PPA1: variants seen among roughly 807,000 people sequenced by gnomAD.
PPA1 encodes inorganic pyrophosphatase 1.
A neutral mutation model predicts 41.8 loss-of-function variants in PPA1; 23 were observed. The observed-to-expected ratio is 0.55, with a 90% CI of 0.40 to 0.78. The LOEUF is 0.78. Among genes scored for constraint, PPA1 ranks in the 30% least tolerant of loss-of-function variants. The pLI is 0.00. For missense variants in PPA1, 320 were observed against 361.6 expected, an observed-to-expected ratio of 0.89 and a Z score of 0.93; for synonymous variants, 101 against 116.8, an observed-to-expected ratio of 0.86 and a Z score of 0.87.
At chr10:70,227,873 T>C (rs769798032) in intron 2 of PPA1, among the ~76,000 whole-genome samples, 12 of 152,106 alleles carry the variant, frequency 7.9e-5, no homozygotes, top group Admixed American at 6.5e-4. Flanking sequence ...CGTGAGAATG[T>C]ATTCATGTAA....
At chr10:70,218,705 G>A (rs1170208456) in intron 3 of PPA1, 59 bp downstream of exon 3, 3 of 1,289,904 alleles carry the variant, frequency 2.3e-6, no homozygotes, top group East Asian at 4.7e-5. Flanking sequence ...GATCAAGTCA[G>A]TGTGACTAGA....
intron 2 of PPA1, among the ~76,000 whole-genome samples, chr10:70,226,706 C>A (rs1292114082): frequency 6.6e-6 from 1 of 151,894 alleles, no homozygotes; most frequent in East Asian, 1.9e-4. Context: ...TCTGCATTTC[C>A]AGTTGTCAAA....
At chr10:70,213,220 G>A (rs933593948) in intron 6 of PPA1, among the ~76,000 whole-genome samples, 1 of 152,208 alleles carries the variant, frequency 6.6e-6, no homozygotes, top group African/African-American at 2.4e-5. Context: ...GTGCTGGTAT[G>A]TGGGGAAGGA....
chr10:70,204,708 G>T (rs182877657), intron 10 of PPA1, 165 bp downstream of exon 10: 1 of 546,066 alleles, frequency 1.8e-6, no homozygotes. Flanking sequence ...TAATGATTTC[G>T]TAATTAGCCA....
chr10:70,220,994 TATATATATAAC>T (rs1798576576), intron 2 of PPA1, among the ~76,000 whole-genome samples: 1 of 63,736 alleles, frequency 1.6e-5, no homozygotes, highest in Non-Finnish European at 2.6e-5. Context: ...ATATATAATT[TATATATATAAC>T]ATATATATAA....
chr10:70,233,309 C>A lies in PPA1; in HGVS notation c.19G>T (p.Glu7Ter). The A allele has an allele frequency of 1.3e-6, 2 of 1,541,188 alleles. No individual in the cohort carries two copies. The highest frequency in any genetic ancestry group is 1.7e-6 in the Non-Finnish European group (2 of 1,144,234). The change falls in exon 1 of 11, where the codon GAG becomes TAG. Residue 7 changes from glutamate to a stop codon, truncating the protein, a stop_gained. Coordinates refer to ENST00000373232, the MANE Select transcript of PPA1 (RefSeq NM_021129.4). LOFTEE classifies it high-confidence loss of function. ...AGGGAGAAGGGCGCGGCGCGCTCCT[C>A]GGTGCTGAAGCCGCTCATAGTGCCG... MSGFSTEERAAPFSLEY... is the reference protein window; with the variant it reads MSGFST
At chr10:70,208,692 T>C (rs1429498840) in intron 8 of PPA1, among the ~76,000 whole-genome samples, 1 of 152,144 alleles carries the variant, frequency 6.6e-6, no homozygotes, top group Non-Finnish European at 1.5e-5. Flanking sequence ...TTTTCTTCTG[T>C]TTGTTGGAAG....
At chr10:70,231,710 A>C (rs905905853) in intron 1 of PPA1, among the ~76,000 whole-genome samples, 2 of 152,270 alleles carry the variant, frequency 1.3e-5, no homozygotes, top group Non-Finnish European at 2.9e-5. Flanking sequence ...GGAAGGATAA[A>C]GCACTTAAAA....
At chr10:70,212,201 T>C (rs555115924) in intron 6 of PPA1, among the ~76,000 whole-genome samples, 4 of 152,366 alleles carry the variant, frequency 2.6e-5, no homozygotes, top group African/African-American at 9.6e-5. Context: ...TTGAGATTTG[T>C]CTATTCTTCC....
chr10:70,209,037 A>C (rs896264811), intron 8 of PPA1, among the ~76,000 whole-genome samples, 168 bp downstream of exon 8: 1 of 152,026 alleles, frequency 6.6e-6, no homozygotes, highest in Non-Finnish European at 1.5e-5. Context: ...CAAGCAATCC[A>C]TCCACCTTGG....
intron 2 of PPA1, among the ~76,000 whole-genome samples, chr10:70,226,274 T>C (rs1840229584): frequency 6.6e-6 from 1 of 151,940 alleles, no homozygotes; most frequent in Non-Finnish European, 1.5e-5. Context: ...TGTCATGTCA[T>C]AATTAAGAAT....
chr10:70,206,098 A>C, intron 9 of PPA1, 166 bp downstream of exon 9: 1 of 603,928 alleles, frequency 1.7e-6, no homozygotes, highest in Non-Finnish European at 3.0e-6. Context: ...CCTCAGTCAA[A>C]TGGCCACTTG....
intron 3 of PPA1, 148 bp from the exon 4 acceptor site, chr10:70,218,079 GGT>G (rs1840098987): frequency 7.0e-6 from 5 of 719,256 alleles, no homozygotes; most frequent in Non-Finnish European, 1.0e-5. Context: ...ATTGAACTAA[GGT>G]GTTTCCATAA....
At chr10:70,222,354 A>AG (rs796342439) in intron 2 of PPA1, among the ~76,000 whole-genome samples, 6 of 146,802 alleles carry the variant, frequency 4.1e-5, no homozygotes, top group Non-Finnish European at 7.5e-5. Context: ...AAAAAAAAAA[A>AG]AAAAAGAAAT....
chr10:70,227,719 A>G (rs912280542), intron 2 of PPA1, among the ~76,000 whole-genome samples: 8 of 149,666 alleles, frequency 5.3e-5, no homozygotes, highest in Non-Finnish European at 1.0e-4. Flanking sequence ...CCTTAGTCTG[A>G]TATCAATATG....
chr10:70,230,108 C>T (rs1212667390), intron 2 of PPA1, among the ~76,000 whole-genome samples: 1 of 152,136 alleles, frequency 6.6e-6, no homozygotes, highest in African/African-American at 2.4e-5. Flanking sequence ...AGGGTTTCAC[C>T]ATGTTGCCCA....
At chr10:70,216,963 TC>T (rs1840087862) in intron 4 of PPA1, among the ~76,000 whole-genome samples, 1 of 152,004 alleles carries the variant, frequency 6.6e-6, no homozygotes, top group South Asian at 2.1e-4. Context: ...GGTCAGGAGA[TC>T]GAGACCATCT....
chr10:70,220,632 T>A lies in PPA1; in HGVS notation c.124-1815A>T, dbSNP rs1217764685. 3.5e-4 allele frequency among the ~76,000 whole-genome samples: 3 copies of A among 8,584 alleles called. 1 individual carries two copies. Among genetic ancestry groups the A allele is most frequent in the Non-Finnish European group, 6.2e-4 (3 of 4,870 alleles). 5.6% of individuals were successfully genotyped at this position (8,584 alleles called of 152,430 possible). A position where few individuals can be genotyped will look rare whatever the true frequency, so the allele number is the denominator to read the frequency against. Reference sequence around the variant, plus strand: ...ATATATTATATATAATTTATATATATATAATATATATAATTTATATATATA... The same window carrying A: ...ATATATTATATATAATTTATATATAAATAATATATATAATTTATATATATA... On this transcript the variant is annotated intron_variant, in intron 2 of 10. Transcript: ENST00000373232.
At position 70,220,635 on chromosome 10, in the gene PPA1, A is replaced by T. The variant is rs868815609; in HGVS notation, c.124-1818T>A. ...TATTATATATAATTTATATATATAT[A>T]ATATATATAATTTATATATATATTA... On this transcript the variant is annotated intron_variant, in intron 2 of 10. Transcript: ENST00000373232. Among the ~76,000 whole-genome samples the T allele has an allele frequency of 2.9e-4, 2 of 6,800 alleles. 1 individual carries two copies. The highest frequency in any genetic ancestry group is 5.3e-4 in the Non-Finnish European group (2 of 3,746). 4.5% of individuals were successfully genotyped at this position (6,800 alleles called of 152,430 possible).
Sources: allele counts gnomAD v4.1 joint callset (sites outside exome capture counted in the v4.1 genomes callset), GRCh38; gene constraint gnomAD v4.1.1; transcripts MANE v1.5; gene names NCBI Gene and HGNC (gene_info 2026-07-23, HGNC 2026-07-21).